SLC25A21: variants seen among roughly 807,000 people sequenced by gnomAD.
SLC25A21 encodes mitochondrial 2-oxodicarboxylate carrier.
In SLC25A21, 47 loss-of-function variants were observed where a neutral mutation model predicts 43.8. The ratio of observed to expected loss-of-function variants is 1.07; its 90% CI spans 0.85 to 1.37. The LOEUF (loss-of-function observed/expected upper bound fraction) is 1.37, where lower values mean the gene tolerates loss of function less well. Ranked by LOEUF, SLC25A21 falls within the 40% of genes most tolerant of loss-of-function variation. SLC25A21 has a pLI of 0.00. For synonymous variants in SLC25A21, 131 were observed against 121.3 expected, an observed-to-expected ratio of 1.08 and a Z score of -0.52; for missense variants, 352 against 350.2, an observed-to-expected ratio of 1.00 and a Z score of -0.04.
At chr14:36,869,900 G>C (rs913763245) in intron 2 of SLC25A21, among the ~76,000 whole-genome samples, 1 of 152,110 alleles carries the variant, frequency 6.6e-6, no homozygotes, top group Non-Finnish European at 1.5e-5. Context: ...AAAATTCCAC[G>C]TTCAACAAGC....
intron 3 of SLC25A21, among the ~76,000 whole-genome samples, chr14:36,755,490 C>A (rs1320783086): frequency 6.6e-6 from 1 of 152,088 alleles, no homozygotes; most frequent in Non-Finnish European, 1.5e-5. Context: ...TCTATGTGAC[C>A]CAAACTCCCA....
chr14:36,924,551 A>G (rs1310221404), intron 1 of SLC25A21, among the ~76,000 whole-genome samples: 1 of 152,136 alleles, frequency 6.6e-6, no homozygotes, highest in Non-Finnish European at 1.5e-5. Flanking sequence ...GGGGAGGGAT[A>G]GCATTAGGAG....
chr14:37,113,070 C>G (rs1963047591), intron 1 of SLC25A21, among the ~76,000 whole-genome samples: 1 of 152,122 alleles, frequency 6.6e-6, no homozygotes, highest in African/African-American at 2.4e-5. Context: ...TCGGTCAAGT[C>G]ACACTAAGAG....
At chr14:36,826,762 C>T (rs957209810) in intron 2 of SLC25A21, among the ~76,000 whole-genome samples, 3 of 152,296 alleles carry the variant, frequency 2.0e-5, no homozygotes, top group South Asian at 4.1e-4. Context: ...TTCGAACATT[C>T]CCTGAGAATG....
chr14:36,806,032 T>G (rs897912542), intron 3 of SLC25A21, among the ~76,000 whole-genome samples: 1 of 151,376 alleles, frequency 6.6e-6, no homozygotes. Context: ...TTGGCCAACA[T>G]AGTGAAATCC....
At chr14:36,885,047 C>T (rs1328671040) in intron 1 of SLC25A21, among the ~76,000 whole-genome samples, 1 of 152,116 alleles carries the variant, frequency 6.6e-6, no homozygotes, top group Non-Finnish European at 1.5e-5. Flanking sequence ...AATCTCTGCC[C>T]AGACAGATGT....
intron 3 of SLC25A21, among the ~76,000 whole-genome samples, chr14:36,772,952 C>G (rs1364782141): frequency 6.6e-6 from 1 of 152,146 alleles, no homozygotes; most frequent in Non-Finnish European, 1.5e-5. Flanking sequence ...CAAATTGCCT[C>G]ATTTTCACTA....
chr14:37,140,833 ATT>A (rs34719227), intron 1 of SLC25A21, among the ~76,000 whole-genome samples: 2 of 149,534 alleles, frequency 1.3e-5, no homozygotes, highest in African/African-American at 2.5e-5. Flanking sequence ...TGGTGGTACC[ATT>A]TTTTTTTTTA....
intron 2 of SLC25A21, among the ~76,000 whole-genome samples, chr14:36,872,043 C>T (rs940329828): frequency 4.6e-5 from 7 of 152,016 alleles, no homozygotes; most frequent in African/African-American, 1.7e-4. Context: ...ATTGTATTCA[C>T]GTAAGCTATT....
intron 3 of SLC25A21, among the ~76,000 whole-genome samples, chr14:36,775,612 C>G (rs148691567): frequency 1.3e-4 from 20 of 152,216 alleles, no homozygotes; most frequent in Non-Finnish European, 2.2e-4. Context: ...GGTATAAAAT[C>G]CAATCTCCCA....
intron 1 of SLC25A21, among the ~76,000 whole-genome samples, chr14:37,020,914 T>C (rs1347808833): frequency 6.6e-6 from 1 of 152,018 alleles, no homozygotes; most frequent in East Asian, 1.9e-4. Flanking sequence ...TTTAACATGG[T>C]CTTGCATTAG....
rs1962817437 is a variant in SLC25A21, at chr14:37,101,556, ATTATT to A, written c.70+70720_70+70724del. On this transcript the variant is annotated intron_variant, in intron 1 of 9. Coordinates refer to ENST00000331299, the MANE Select transcript of SLC25A21 (RefSeq NM_030631.4). ...CATGTATGAAGACAGCTGTCATAAT[ATTATT>A]TTAATTGTTAAAAATTTGATAAAAC... Among the ~76,000 whole-genome samples, 4 of 152,362 alleles carry A rather than the reference ATTATT, an allele frequency of 2.6e-5. No individual in the cohort carries two copies. In the South Asian group the frequency reaches 6.2e-4, roughly 24 times the overall value.
intron 9 of SLC25A21, among the ~76,000 whole-genome samples, chr14:36,682,427 C>T (rs1026834110): frequency 2.0e-5 from 3 of 152,194 alleles, no homozygotes; most frequent in Non-Finnish European, 4.4e-5. Flanking sequence ...CAGGACCTCT[C>T]ACGCAAAACA....
chr14:36,763,584 G>C (rs1886246336), intron 3 of SLC25A21, among the ~76,000 whole-genome samples: 2 of 152,136 alleles, frequency 1.3e-5, no homozygotes, highest in Admixed American at 1.3e-4. Context: ...TCAGGTATTT[G>C]GGTGGTGGTG....
chr14:36,916,845 TAG>T (rs2138618964), intron 1 of SLC25A21, among the ~76,000 whole-genome samples: 1 of 152,248 alleles, frequency 6.6e-6, no homozygotes, highest in South Asian at 2.1e-4. Flanking sequence ...CTGACCAGAA[TAG>T]AGTCTCTCCT....
chr14:37,108,704 A>AGTGTGTGTGTGTGT (rs56801840), intron 1 of SLC25A21, among the ~76,000 whole-genome samples: 1 of 149,240 alleles, frequency 6.7e-6, no homozygotes, highest in African/African-American at 2.5e-5. Context: ...AGTTTTGTTA[A>AGTGTGTGTGTGTGT]GTGTGTGTGT....
intron 1 of SLC25A21, among the ~76,000 whole-genome samples, chr14:37,106,848 C>T (rs1962923341): frequency 6.6e-6 from 1 of 152,204 alleles, no homozygotes; most frequent in Non-Finnish European, 1.5e-5. Context: ...TAAAATTCCT[C>T]TCTTTGTAAT....
intron 1 of SLC25A21, among the ~76,000 whole-genome samples, chr14:36,902,422 C>T (rs848693): frequency 5.3e-5 from 8 of 151,664 alleles, no homozygotes; most frequent in African/African-American, 1.7e-4. Flanking sequence ...CTCTAAGGAG[C>T]GAAGTATCGT....
intron 1 of SLC25A21, among the ~76,000 whole-genome samples, chr14:36,882,430 C>T (rs527394165): frequency 1.3e-5 from 2 of 152,118 alleles, no homozygotes; most frequent in African/African-American, 2.4e-5. Context: ...TCTCTCCACA[C>T]TGCTCCCCGA....
Sources: allele counts gnomAD v4.1 joint callset (sites outside exome capture counted in the v4.1 genomes callset), GRCh38; gene constraint gnomAD v4.1.1; transcripts MANE v1.5; gene names NCBI Gene and HGNC (gene_info 2026-07-23, HGNC 2026-07-21).